The following FHOD3 variants were observed in gnomAD, a reference collection of about 807,000 sequenced individuals.
FHOD3 encodes FH1/FH2 domain-containing protein 3.
A neutral mutation model predicts 173.0 loss-of-function variants in FHOD3; 90 were observed. The ratio of observed to expected loss-of-function variants is 0.52; its 90% CI spans 0.44 to 0.62. FHOD3 has a LOEUF of 0.62. Ranked by LOEUF, FHOD3 falls within the 20% of genes least tolerant of loss-of-function variation. The pLI is 0.00. For missense variants in FHOD3, 1,945 were observed against 2,034.7 expected, an observed-to-expected ratio of 0.96 and a Z score of 0.85; for synonymous variants, 828 against 823.0, an observed-to-expected ratio of 1.01 and a Z score of -0.10.
intron 3 of FHOD3, among the ~76,000 whole-genome samples, chr18:36,377,133 G>A (rs1488192237): frequency 2.0e-5 from 3 of 152,114 alleles, no homozygotes; most frequent in African/African-American, 7.2e-5. Context: ...TTCTGTATTC[G>A]AAGGGTGGGG....
At chr18:36,557,853 A>G (rs1239063404) in intron 5 of FHOD3, among the ~76,000 whole-genome samples, 5 of 152,212 alleles carry the variant, frequency 3.3e-5, no homozygotes, top group Admixed American at 6.5e-5. Context: ...AGGCCCAGTT[A>G]CTTGTAAACA....
intron 20 of FHOD3, among the ~76,000 whole-genome samples, chr18:36,733,040 A>G (rs1189533071): frequency 2.0e-5 from 3 of 152,214 alleles, no homozygotes; most frequent in Non-Finnish European, 4.4e-5. Context: ...GGAAATTAAC[A>G]TTGCCGACCT....
At chr18:36,674,797 C>A (rs2037743284) in intron 14 of FHOD3, among the ~76,000 whole-genome samples, 1 of 152,058 alleles carries the variant, frequency 6.6e-6, no homozygotes, top group South Asian at 2.1e-4. Context: ...GTAAAGCTGT[C>A]ACATGCAAGC....
rs186540099 is a variant in FHOD3 at position 36,383,135 on chromosome 18, C to T, written c.337+10391C>T. On this transcript the variant is annotated intron_variant, in intron 3 of 28. Transcript: ENST00000590592. ...CTGGGATAGCGTTGGCCAGCCCTTC[C>T]AGCCCTGCTGTGTTCTGTTCTTGGG... Among the ~76,000 whole-genome samples, 22 of 152,308 alleles carry T rather than the reference C, an allele frequency of 1.4e-4. No individual in the cohort carries two copies. In the East Asian group the frequency reaches 4.2e-3, roughly 29 times the overall value.
chr18:36,594,738 G>A, intron 6 of FHOD3, 49 bp from the exon 7 acceptor site: 1 of 1,381,020 alleles, frequency 7.2e-7, no homozygotes, highest in South Asian at 1.2e-5. Context: ...GCTCTCTGGT[G>A]CACAGGGCCT....
At chr18:36,406,274 G>A (rs1159410821) in intron 3 of FHOD3, among the ~76,000 whole-genome samples, 1 of 152,166 alleles carries the variant, frequency 6.6e-6, no homozygotes, top group African/African-American at 2.4e-5. Context: ...CTGAAATGTG[G>A]CCTGCCACAA....
chr18:36,459,420 G>A (rs1017478276), intron 3 of FHOD3, among the ~76,000 whole-genome samples: 1 of 152,204 alleles, frequency 6.6e-6, no homozygotes, highest in African/African-American at 2.4e-5. Context: ...GCTTAGAGCT[G>A]GGCGAACCGC....
At chr18:36,404,307 T>C (rs1187495343) in intron 3 of FHOD3, among the ~76,000 whole-genome samples, 1 of 152,210 alleles carries the variant, frequency 6.6e-6, no homozygotes, top group East Asian at 1.9e-4. Context: ...TATCCAGACC[T>C]GGCCTCTTAC....
At chr18:36,714,459 C>T (rs935042456) in intron 18 of FHOD3, among the ~76,000 whole-genome samples, 12 of 152,262 alleles carry the variant, frequency 7.9e-5, no homozygotes, top group African/African-American at 2.2e-4. Context: ...ACTGTTTGAA[C>T]TTGGGAGGTA....
At chr18:36,528,149 G>A (rs2056614028) in intron 5 of FHOD3, among the ~76,000 whole-genome samples, 1 of 152,208 alleles carries the variant, frequency 6.6e-6, no homozygotes, top group African/African-American at 2.4e-5. Context: ...ATCAGCTGGG[G>A]ATGGTTGTCC....
At chr18:36,459,956 C>T (rs567189966) in intron 3 of FHOD3, among the ~76,000 whole-genome samples, 1 of 152,232 alleles carries the variant, frequency 6.6e-6, no homozygotes, top group Non-Finnish European at 1.5e-5. Flanking sequence ...GACAGTTTCT[C>T]AGACTTTCCT....
intron 3 of FHOD3, among the ~76,000 whole-genome samples, chr18:36,495,990 T>C (rs1207142808): frequency 1.3e-5 from 2 of 152,176 alleles, no homozygotes; most frequent in Non-Finnish European, 2.9e-5. Context: ...GTAAAGAATG[T>C]CTTTGGGAAT....
intron 3 of FHOD3, among the ~76,000 whole-genome samples, chr18:36,444,106 T>A (rs895676515): frequency 2.9e-5 from 4 of 139,394 alleles, no homozygotes; most frequent in Non-Finnish European, 6.0e-5. Context: ...GGCAGGAGAA[T>A]GGCGTGAACC....
At chr18:36,422,480 T>G (rs971667612) in intron 3 of FHOD3, among the ~76,000 whole-genome samples, 3 of 152,206 alleles carry the variant, frequency 2.0e-5, no homozygotes, top group African/African-American at 7.2e-5. Context: ...ATGTATAAGT[T>G]TACCTGGAGG....
intron 28 of FHOD3, chr18:36,778,654 C>G (rs2043864197): frequency 6.6e-6 from 1 of 152,204 alleles, no homozygotes; most frequent in Non-Finnish European, 1.5e-5. Context: ...CCTCCAGTTG[C>G]CAACTGCAAC....
chr18:36,742,785 G>A lies in FHOD3; in HGVS notation c.3808G>A (p.Glu1270Lys). Residue 1270 changes from glutamate (E) to lysine (K), a missense_variant, in exon 22 of 29, where the codon GAG becomes AAG. By Grantham distance (56) the Glu-to-Lys change is moderately conservative. Around this residue, in one of 5 missense-constraint regions of FHOD3, gnomAD observed 231 missense variants for 321.9 expected, o/e 0.72. Transcript: ENST00000590592. ...CCTGAAGGAAGGAATAGACCAGTTGGAGAACAATAAAACCTTGGGCTTTAT... is the reference window on the plus strand; with the variant it reads ...CCTGAAGGAAGGAATAGACCAGTTGAAGAACAATAAAACCTTGGGCTTTAT... ...LDLKEGIDQL[E>K]NNKTLGFILS... is the part of the protein sequence containing the mutation. 1.9e-6 allele frequency: 3 copies of A among 1,614,062 alleles called. No individual in the cohort carries two copies. The highest frequency in any genetic ancestry group is 2.5e-6 in the Non-Finnish European group (3 of 1,179,974).
intron 13 of FHOD3, among the ~76,000 whole-genome samples, chr18:36,653,880 ACTTTACC>A (rs932253533): frequency 6.6e-6 from 1 of 152,192 alleles, no homozygotes; most frequent in Non-Finnish European, 1.5e-5. Context: ...GTACTTTATT[ACTTTACC>A]CTTGAGAGGT....
At chr18:36,513,019 C>T (rs1386368271) in intron 5 of FHOD3, among the ~76,000 whole-genome samples, 2 of 152,094 alleles carry the variant, frequency 1.3e-5, no homozygotes, top group South Asian at 2.1e-4. Context: ...TAGTTTTGAG[C>T]GGGTCCGGGA....
rs767883864 is a variant in FHOD3, at chr18:36,625,683, C to T, written c.1130C>T (p.Pro377Leu). The T allele has an allele frequency of 4.3e-6, 7 of 1,611,550 alleles. No individual in the cohort carries two copies. In the Admixed American group the frequency reaches 6.7e-5, roughly 15 times the overall value. The change falls in exon 10 of 29, where the codon CCC (proline) becomes CTC (leucine). Residue 377 changes from proline to leucine, a missense_variant. Around this residue, in one of 5 missense-constraint regions of FHOD3, gnomAD observed 1,099 missense variants for 1,051.2 expected, o/e 1.05. Transcript: ENST00000590592. ...AGCATCAAGAGCACCCTGTCGGCCC[C>T]CACCAGTCCCTGCTCCCAGTCAGCT... Reference protein sequence around the residue: ...VQSIKSTLSAPTSPCSQSAPS... With the variant: ...VQSIKSTLSALTSPCSQSAPS...
Sources: allele counts gnomAD v4.1 joint callset (sites outside exome capture counted in the v4.1 genomes callset), GRCh38; gene constraint gnomAD v4.1.1; regional missense constraint gnomAD v4.1.1; transcripts MANE v1.5; gene names NCBI Gene and HGNC (gene_info 2026-07-23, HGNC 2026-07-21).